The following ARHGAP17 variants were observed in gnomAD, a reference collection of about 807,000 sequenced individuals.
ARHGAP17 encodes the protein rho GTPase-activating protein 17.
Under a neutral mutation model 99.5 loss-of-function variants are expected in ARHGAP17, and 57 were observed. That is an observed-to-expected ratio of 0.57 (90% confidence interval 0.46 to 0.71). The LOEUF (loss-of-function observed/expected upper bound fraction) is 0.71, where lower values mean the gene tolerates loss of function less well. Ranked by LOEUF, ARHGAP17 falls within the 30% of genes least tolerant of loss-of-function variation. The pLI is 0.00. For missense variants in ARHGAP17, 1,000 were observed against 1,122.4 expected (o/e 0.89, Z 1.56); for synonymous variants, 417 against 429.6 (o/e 0.97, Z 0.36).
chr16:24,937,091 T>C (rs2152454502), intron 17 of ARHGAP17, among the ~76,000 whole-genome samples: 3 of 144,716 alleles, frequency 2.1e-5, no homozygotes, highest in Middle Eastern at 7.2e-3. Flanking sequence ...CCCTCCAGCG[T>C]GGGTGACAGA....
At chr16:24,930,689 T>C in intron 19 of ARHGAP17, 95 bp downstream of exon 19, 17 of 1,609,886 alleles carry the variant, frequency 1.1e-5, no homozygotes, top group Non-Finnish European at 1.4e-5. Context: ...TGTAGTTTGC[T>C]GACACCTGGC....
intron 14 of ARHGAP17, among the ~76,000 whole-genome samples, chr16:24,945,886 CTG>C (rs1216875276): frequency 1.3e-5 from 2 of 152,204 alleles, no homozygotes; most frequent in Non-Finnish European, 2.9e-5. Context: ...CAGTTCCCTG[CTG>C]TGTGACCTTA....
chr16:24,939,391 T>A lies in ARHGAP17; in HGVS notation c.1697A>T (p.Glu566Val), dbSNP rs376769667. 5.6e-6 allele frequency: 9 copies of A among 1,609,210 alleles called. No individual in the cohort carries two copies. The highest frequency in any genetic ancestry group is 7.6e-6 in the Non-Finnish European group (9 of 1,179,634). The change falls in exon 17 of 20, where the codon GAG becomes GTG. Residue 566 changes from glutamate (E) to valine (V), a missense_variant. Transcript: ENST00000289968. ...GTVPSSAGIL[E>V]QGPSPGDGSP... ...GCCGTCGCCTGGGCTCGGCCCCTGC[T>A]CCAGTATGCCCGCGGAAGAGGGGAC... is the stretch of plus-strand genomic sequence containing the variant.
intron 15 of ARHGAP17, 34 bp downstream of exon 15, chr16:24,943,737 C>T (rs773236925): frequency 1.3e-6 from 2 of 1,574,630 alleles, no homozygotes; most frequent in Admixed American, 1.7e-5. Context: ...TATCACATTG[C>T]TTTGGCGGTC....
rs1373406010 is a variant in ARHGAP17 at position 24,949,494 on chromosome 16, A to C, written c.1047-10T>G. On this transcript the variant is annotated splice_polypyrimidine_tract_variant and intron_variant, in intron 12 of 19. Transcript: ENST00000289968. The stretch of plus-strand genomic sequence containing the variant: ...GTCTTGATCCTGCACACTGAGAACA[A>C]AAACTTTTAAGTACAACAACTTATT... 3 of 1,611,252 alleles carry C rather than the reference A, an allele frequency of 1.9e-6. No individual in the cohort carries two copies. Among genetic ancestry groups the C allele is most frequent in the Non-Finnish European group, 1.7e-6 (2 of 1,179,012 alleles).
intron 19 of ARHGAP17, among the ~76,000 whole-genome samples, chr16:24,925,318 G>C (rs2050811854): frequency 6.6e-6 from 1 of 152,220 alleles, no homozygotes; most frequent in Non-Finnish European, 1.5e-5. Context: ...GGCAGGGGTT[G>C]CCGTGTGCCA....
chr16:24,964,298 C>A lies in ARHGAP17; in HGVS notation c.472G>T (p.Ala158Ser). The change falls in exon 7 of 20, where the codon GCT becomes TCT. Residue 158 changes from alanine (A) to serine (S), a missense_variant. This residue lies in a region of ARHGAP17 where 472 missense variants were observed against 611.1 expected (regional missense o/e 0.77). Transcript: ENST00000289968. Reference protein sequence around the residue: ...WDSVRARWNQAHKSSGTNFQG... With the variant: ...WDSVRARWNQSHKSSGTNFQG... ...AAGTTGGTTCCTGAGGATTTGTGAG[C>A]TTGGTTCCACCTGCAAAACAAAGGG... 6.2e-7 allele frequency: 1 copy of A among 1,612,780 alleles called. No individual in the cohort carries two copies.
At chr16:24,927,783 A>G in intron 19 of ARHGAP17, 1 of 803,880 alleles carries the variant, frequency 1.2e-6, no homozygotes, top group Non-Finnish European at 1.7e-6. Context: ...GCTAAAATCT[A>G]TTACTTCAAA....
intron 1 of ARHGAP17, among the ~76,000 whole-genome samples, chr16:25,011,235 A>C (rs2053635499): frequency 6.6e-6 from 1 of 152,100 alleles, no homozygotes; most frequent in Non-Finnish European, 1.5e-5. Flanking sequence ...ATCCACTCTC[A>C]GTCCATATGG....
intron 1 of ARHGAP17, among the ~76,000 whole-genome samples, chr16:24,995,625 C>T (rs531014364): frequency 1.3e-5 from 2 of 152,274 alleles, no homozygotes; most frequent in East Asian, 1.9e-4. Flanking sequence ...TAGGAGCCAG[C>T]GGCAATCCAC....
At chr16:24,979,959 C>T (rs545617617) in intron 1 of ARHGAP17, among the ~76,000 whole-genome samples, 1 of 152,340 alleles carries the variant, frequency 6.6e-6, no homozygotes, top group Admixed American at 6.5e-5. Flanking sequence ...AATCCGCCCA[C>T]CTTGGCCTCC....
chr16:24,946,660 A>C (rs2051482887), intron 14 of ARHGAP17, among the ~76,000 whole-genome samples: 1 of 152,114 alleles, frequency 6.6e-6, no homozygotes, highest in South Asian at 2.1e-4. Context: ...TCCCATGTGA[A>C]GGATGCCCTC....
At chr16:24,975,616 G>C (rs563102699) in intron 3 of ARHGAP17, among the ~76,000 whole-genome samples, 1 of 152,260 alleles carries the variant, frequency 6.6e-6, no homozygotes, top group South Asian at 2.1e-4. Context: ...GAAAAACCCT[G>C]CTGCCAGGGT....
intron 13 of ARHGAP17, 119 bp downstream of exon 13, chr16:24,949,285 G>T (rs1374448183): frequency 8.4e-6 from 6 of 715,346 alleles, no homozygotes; most frequent in Non-Finnish European, 1.3e-5. Context: ...AAGTGATGTG[G>T]TTTTTTTTGT....
Position 24,974,234 on chromosome 16 carries a change from C to G in ARHGAP17, c.198+2981G>C, listed in dbSNP as rs2052450758. ...TCACTTGAGGTCAGGAGTTGGAAACCAGCCTGGTCAACATGGTGAAATCCT... is the reference window on the plus strand; with the variant it reads ...TCACTTGAGGTCAGGAGTTGGAAACGAGCCTGGTCAACATGGTGAAATCCT... On this transcript the variant is annotated intron_variant, in intron 3 of 19. Transcript: ENST00000289968. 2.6e-5 allele frequency among the ~76,000 whole-genome samples: 4 copies of G among 152,232 alleles called. No individual in the cohort carries two copies. The South Asian group carries it at 8.3e-4, about 32-fold the overall frequency.
At chr16:24,964,118 C>A in intron 7 of ARHGAP17, 79 bp downstream of exon 7, 2 of 929,912 alleles carry the variant, frequency 2.2e-6, no homozygotes, top group East Asian at 2.6e-5. Flanking sequence ...TTATTTAAAA[C>A]ATTAAGTAAC....
chr16:24,989,820 A>G (rs1470617485), intron 1 of ARHGAP17, among the ~76,000 whole-genome samples: 1 of 152,228 alleles, frequency 6.6e-6, no homozygotes, highest in Non-Finnish European at 1.5e-5. Flanking sequence ...TAACGTCATA[A>G]AAGTAGAGAG....
intron 4 of ARHGAP17, among the ~76,000 whole-genome samples, 173 bp from the exon 5 acceptor site, chr16:24,968,945 G>A (rs1309689344): frequency 2.0e-5 from 3 of 152,208 alleles, no homozygotes; most frequent in African/African-American, 7.2e-5. Context: ...CCACAGATTT[G>A]TGCTTTAAAA....
chr16:24,932,281 CCAAA>C lies in ARHGAP17; in HGVS notation c.1895-881_1895-878del, dbSNP rs566057415. The stretch of plus-strand genomic sequence containing the variant: ...ACTTTTCTATAAATTCAAAATTACT[CCAAA>C]CAAACAAGTTTATTTTAAAAATTAA... On this transcript the variant is annotated intron_variant, in intron 18 of 19. Transcript: ENST00000289968. Among the ~76,000 whole-genome samples, 499 of 152,218 alleles carry C rather than the reference CCAAA, an allele frequency of 3.3e-3. 2 individuals carry two copies. Among genetic ancestry groups the C allele is most frequent in the Non-Finnish European group, 5.0e-3 (342 of 68,006 alleles).
Sources: allele counts gnomAD v4.1 joint callset (sites outside exome capture counted in the v4.1 genomes callset), GRCh38; gene constraint gnomAD v4.1.1; regional missense constraint gnomAD v4.1.1; transcripts MANE v1.5; gene names NCBI Gene and HGNC (gene_info 2026-07-23, HGNC 2026-07-21).